The following NSUN6 variants were observed in gnomAD, a reference collection of about 807,000 sequenced individuals.
NSUN6 encodes the protein tRNA (cytosine(72)-C(5))-methyltransferase NSUN6.
NSUN6 carries 64 observed loss-of-function variants against 58.0 expected under a neutral mutation model. That is an observed-to-expected ratio of 1.10 (90% confidence interval 0.90 to 1.36). The LOEUF (loss-of-function observed/expected upper bound fraction) is 1.36, where lower values mean the gene tolerates loss of function less well. Ranked by LOEUF, NSUN6 falls within the 40% of genes most tolerant of loss-of-function variation. The pLI is 0.00. For missense variants in NSUN6, 701 were observed against 550.1 expected (o/e 1.27, Z -2.74); for synonymous variants, 231 against 193.9 (o/e 1.19, Z -1.59).
intron 3 of NSUN6, among the ~76,000 whole-genome samples, chr10:18,624,231 G>GAT (rs1342223344): frequency 1.3e-5 from 2 of 151,822 alleles, no homozygotes; most frequent in African/African-American, 2.4e-5. Flanking sequence ...TTTACAAGCA[G>GAT]AAAGAGGTAA....
At chr10:18,562,366 TGAA>T (rs1564722499) in intron 8 of NSUN6, among the ~76,000 whole-genome samples, 1 of 144,616 alleles carries the variant, frequency 6.9e-6, no homozygotes, top group Admixed American at 7.0e-5. Flanking sequence ...CGGAATAGCA[TGAA>T]GAAGAATGGA....
intron 7 of NSUN6, among the ~76,000 whole-genome samples, chr10:18,587,000 T>G (rs909767492): frequency 1.3e-5 from 2 of 152,212 alleles, no homozygotes; most frequent in Non-Finnish European, 2.9e-5. Flanking sequence ...GGAAGTCCAG[T>G]TGGCTTCACC....
intron 7 of NSUN6, among the ~76,000 whole-genome samples, chr10:18,592,543 A>C (rs982850122): frequency 1.3e-5 from 2 of 152,226 alleles, no homozygotes; most frequent in Admixed American, 6.5e-5. Context: ...AACAGAACAG[A>C]GACCTCAGAA....
At chr10:18,557,467 T>G (rs114564494) in intron 8 of NSUN6, among the ~76,000 whole-genome samples, 4,779 of 144,390 alleles carry the variant, frequency 0.033, 257 homozygotes, top group African/African-American at 0.11. Context: ...TGGAATGGAA[T>G]AGAGAATGGA....
chr10:18,631,921 A>C (rs1300910941), intron 3 of NSUN6, among the ~76,000 whole-genome samples: 1 of 152,226 alleles, frequency 6.6e-6, no homozygotes, highest in Non-Finnish European at 1.5e-5. Context: ...GTTCATATGG[A>C]ACCAAAAGAG....
chr10:18,596,163 A>G (rs957675587), intron 7 of NSUN6, 45 bp downstream of exon 7: 1 of 1,531,200 alleles, frequency 6.5e-7, no homozygotes, highest in Non-Finnish European at 9.0e-7. Flanking sequence ...ACATTGTGAA[A>G]TATACACTAC....
intron 8 of NSUN6, among the ~76,000 whole-genome samples, chr10:18,562,177 AG>A (rs932829235): frequency 1.3e-5 from 2 of 150,622 alleles, no homozygotes; most frequent in African/African-American, 4.9e-5. Flanking sequence ...GGAGAATGGA[AG>A]GGACTGGAGA....
chr10:18,626,801 G>C (rs895275143), intron 3 of NSUN6, among the ~76,000 whole-genome samples: 1 of 152,146 alleles, frequency 6.6e-6, no homozygotes, highest in Non-Finnish European at 1.5e-5. Context: ...AAATCGAGTA[G>C]GCTGAAAGAG....
chr10:18,628,719 G>T (rs946125245), intron 3 of NSUN6, among the ~76,000 whole-genome samples: 2 of 152,172 alleles, frequency 1.3e-5, no homozygotes, highest in Non-Finnish European at 2.9e-5. Flanking sequence ...AGAATAAAAA[G>T]AAATGAGGAA....
upstream of NSUN6, among the ~76,000 whole-genome samples, chr10:18,654,220 T>C (rs2059753520): frequency 1.3e-5 from 2 of 152,182 alleles, no homozygotes; most frequent in Non-Finnish European, 2.9e-5. Context: ...CTCAGCCTCC[T>C]GAGTAGCTGG....
At chr10:18,553,795 G>C (rs1451664123) in intron 8 of NSUN6, among the ~76,000 whole-genome samples, 1 of 151,534 alleles carries the variant, frequency 6.6e-6, no homozygotes, top group Non-Finnish European at 1.5e-5. Flanking sequence ...ATAGAGAATG[G>C]AGAATGGAAT....
At chr10:18,607,871 C>T (rs2058097971) in intron 6 of NSUN6, among the ~76,000 whole-genome samples, 1 of 152,242 alleles carries the variant, frequency 6.6e-6, no homozygotes, top group Non-Finnish European at 1.5e-5. Flanking sequence ...AGGCTATGCA[C>T]TTTACTTTTC....
At chr10:18,658,509 A>G, upstream of NSUN6, 1 of 174,024 alleles carries the variant, frequency 5.7e-6, no homozygotes, top group East Asian at 1.9e-4. Context: ...TAACCATGGA[A>G]AGTGGAATTG....
rs2057112314 is a variant in NSUN6 at position 18,585,892 on chromosome 10, T to TGTG, written c.922+56_922+57insCAC. On this transcript the variant is annotated intron_variant, in intron 8 of 10. Coordinates refer to ENST00000377304, the MANE Select transcript of NSUN6 (RefSeq NM_182543.5). ...TTATATACATGTCAAAACATCACAC[T>TGTG]GTATGCCACAAATATATGATCTGTC... 3 of 1,318,482 alleles carry TGTG rather than the reference T, an allele frequency of 2.3e-6. No homozygotes were observed. The African/African-American group carries it at 4.4e-5, about 20-fold the overall frequency. The allele number at this position is 1,318,482 out of a possible 1,614,324, so 81.7% of individuals were successfully genotyped here.
chr10:18,571,624 A>G (rs571485403), intron 8 of NSUN6, among the ~76,000 whole-genome samples: 45 of 130,556 alleles, frequency 3.4e-4, no homozygotes, highest in African/African-American at 1.2e-3. Context: ...CTCCCATTCC[A>G]TTCCATTCTC....
intron 6 of NSUN6, among the ~76,000 whole-genome samples, chr10:18,598,309 C>G (rs550549141): frequency 1.3e-5 from 2 of 152,230 alleles, no homozygotes; most frequent in Non-Finnish European, 2.9e-5. Context: ...TCAGACTCAG[C>G]CCGCCTGCAC....
chr10:18,621,302 T>G (rs2058597790), intron 3 of NSUN6, among the ~76,000 whole-genome samples: 1 of 152,136 alleles, frequency 6.6e-6, no homozygotes, highest in African/African-American at 2.4e-5. Context: ...CTCTGGAAGC[T>G]TGTGATGGTT....
intron 6 of NSUN6, among the ~76,000 whole-genome samples, chr10:18,605,477 G>A (rs1432491524): frequency 6.6e-6 from 1 of 152,266 alleles, no homozygotes; most frequent in South Asian, 2.1e-4. Flanking sequence ...ACTAGCTCAG[G>A]CAAAAATCAT....
intron 9 of NSUN6, among the ~76,000 whole-genome samples, chr10:18,551,560 T>A (rs1307467183): frequency 6.6e-6 from 1 of 152,172 alleles, no homozygotes; most frequent in Non-Finnish European, 1.5e-5. Context: ...TCCTTTTGTG[T>A]CTGGTTCATA....
Sources: allele counts gnomAD v4.1 joint callset (sites outside exome capture counted in the v4.1 genomes callset), GRCh38; gene constraint gnomAD v4.1.1; transcripts MANE v1.5; gene names NCBI Gene and HGNC (gene_info 2026-07-23, HGNC 2026-07-21).